MGST1: variants seen among roughly 807,000 people sequenced by gnomAD.
The protein encoded by MGST1 is microsomal glutathione S-transferase 1, also known as glutathione S-transferase 12.
Under a neutral mutation model 8.9 loss-of-function variants are expected in MGST1, and 5 were observed. That is an observed-to-expected ratio of 0.56 (90% CI 0.29 to 1.19). The LOEUF (loss-of-function observed/expected upper bound fraction) is 1.19. Among genes scored for constraint, MGST1 ranks in the 50% most tolerant of loss-of-function variants. The probability of loss-of-function intolerance (pLI) is 0.08; values close to 1 mark genes in which losing one functional copy is unlikely to be tolerated. For missense variants in MGST1, 182 were observed against 187.4 expected, an observed-to-expected ratio of 0.97 and a Z score of 0.17; for synonymous variants, 54 against 67.8, an observed-to-expected ratio of 0.80 and a Z score of 1.00.
downstream of MGST1, among the ~76,000 whole-genome samples, chr12:16,379,245 T>G (rs145471757): frequency 6.2e-3 from 948 of 152,300 alleles, 4 homozygotes; most frequent in Non-Finnish European, 9.5e-3. Context: ...AGGGAATGCT[T>G]CCAGTTTTTG....
rs61709109 is a variant in MGST1 at position 16,382,952 on chromosome 12, G to T, written n.126G>T. On this transcript the variant is annotated non_coding_transcript_exon_variant, in exon 1 of 2. Transcript: ENST00000359720. Reference sequence around the variant, plus strand: ...GCATGGGACCCTCCGAGCCAGGTGCGAGATATAATCTCCTGGTGTGCCTTG... The same window carrying T: ...GCATGGGACCCTCCGAGCCAGGTGCTAGATATAATCTCCTGGTGTGCCTTG... 15 of 152,558 alleles carry T rather than the reference G, an allele frequency of 9.8e-5. 1 individual carries two copies. The highest frequency in any genetic ancestry group is 8.8e-5 in the Non-Finnish European group (6 of 68,360). The allele number at this position is 152,558 out of a possible 1,614,324, so 9.5% of individuals were successfully genotyped here. A position where few individuals can be genotyped will look rare whatever the true frequency, so the allele number is the denominator to read the frequency against.
chr12:16,462,884 G>C (rs1021805277), intron 4 of MGST1, among the ~76,000 whole-genome samples: 1 of 152,160 alleles, frequency 6.6e-6, no homozygotes, highest in East Asian at 1.9e-4. Context: ...AGTGTGATGA[G>C]ATTTTATTCC....
chr12:16,354,929 CTT>C (rs10679908), intron 2 of MGST1, among the ~76,000 whole-genome samples: 5 of 146,708 alleles, frequency 3.4e-5, no homozygotes, highest in Admixed American at 6.8e-5. Flanking sequence ...ATAAGAATGA[CTT>C]TTTTTTTTTT....
chr12:16,524,422 C>G (rs906740477), intron 4 of MGST1, among the ~76,000 whole-genome samples: 1 of 151,968 alleles, frequency 6.6e-6, no homozygotes, highest in Non-Finnish European at 1.5e-5. Context: ...TTCTTGAGAT[C>G]TGAATGAACT....
At chr12:16,364,595 C>T (rs895718429), downstream of MGST1, among the ~76,000 whole-genome samples, 8 of 152,076 alleles carry the variant, frequency 5.3e-5, no homozygotes, top group Non-Finnish European at 1.0e-4. This position sits in a 1 kb window ranked among gnomAD's most constrained non-coding sequence, Gnocchi z 5.7. Context: ...GAGTAAGTGG[C>T]AGATATCATG....
At chr12:16,358,229 G>T (rs1333174174) in intron 3 of MGST1, among the ~76,000 whole-genome samples, 2 of 152,086 alleles carry the variant, frequency 1.3e-5, no homozygotes, top group African/African-American at 2.4e-5. Flanking sequence ...GGGTATGATT[G>T]TTCCTATCAC....
chr12:16,489,142 T>C (rs1198099698), intron 4 of MGST1, among the ~76,000 whole-genome samples: 20 of 151,928 alleles, frequency 1.3e-4, no homozygotes, highest in Admixed American at 1.3e-3. Context: ...AAAAAATAAA[T>C]AGGTAAATAC....
At chr12:16,379,985 G>A (rs1344185944), downstream of MGST1, among the ~76,000 whole-genome samples, 3 of 152,110 alleles carry the variant, frequency 2.0e-5, no homozygotes, top group Non-Finnish European at 4.4e-5. Flanking sequence ...TGTGGGATCG[G>A]TGGTGATATC....
chr12:16,554,806 G>C (rs146023909), intron 4 of MGST1, among the ~76,000 whole-genome samples: 1 of 152,062 alleles, frequency 6.6e-6, no homozygotes, highest in African/African-American at 2.4e-5. Flanking sequence ...ACAGGCGCCC[G>C]CCACCTCGAC....
chr12:16,431,371 T>C (rs1477555007), intron 1 of MGST1, among the ~76,000 whole-genome samples: 1 of 152,208 alleles, frequency 6.6e-6, no homozygotes, highest in African/African-American at 2.4e-5. Context: ...AGGCCTAGGT[T>C]TGGCCTATCT....
At chr12:16,527,891 C>T (rs951442016) in intron 4 of MGST1, among the ~76,000 whole-genome samples, 18 of 151,932 alleles carry the variant, frequency 1.2e-4, no homozygotes, top group African/African-American at 1.7e-4. Flanking sequence ...TTTCTAAGCA[C>T]TGTACAAGGT....
In MGST1 at chr12:16,484,497, T is replaced by A. The variant is rs1232008412; in HGVS notation, n.482+100893T>A. Among the ~76,000 whole-genome samples the A allele has an allele frequency of 2.6e-5, 4 of 152,278 alleles. No individual in the cohort carries two copies. The East Asian group carries it at 7.7e-4, about 29-fold the overall frequency. Reference sequence around the variant, plus strand: ...TACCTGAAACTGGGTAGATGGGTAATTTATAAAGAAAACGGGTTTAACTGG... The same window carrying A: ...TACCTGAAACTGGGTAGATGGGTAAATTATAAAGAAAACGGGTTTAACTGG... On this transcript the variant is annotated intron_variant and non_coding_transcript_variant, in intron 4 of 4. Coordinates refer to the MGST1 transcript ENST00000538857.
chr12:16,474,556 G>A (rs934569483), intron 4 of MGST1, among the ~76,000 whole-genome samples: 2 of 152,142 alleles, frequency 1.3e-5, no homozygotes, highest in African/African-American at 4.8e-5. Flanking sequence ...CATTGTCTTA[G>A]GCCAGGTGGC....
At chr12:16,409,013 G>C (rs1450131879) in intron 1 of MGST1, among the ~76,000 whole-genome samples, 1 of 151,852 alleles carries the variant, frequency 6.6e-6, no homozygotes, top group Non-Finnish European at 1.5e-5. Flanking sequence ...TCTATTTTCT[G>C]AACAAAATTT....
intron 4 of MGST1, among the ~76,000 whole-genome samples, chr12:16,476,967 A>G (rs1448415346): frequency 6.6e-6 from 1 of 152,190 alleles, no homozygotes; most frequent in African/African-American, 2.4e-5. Flanking sequence ...GTCTTAATCT[A>G]TCATCTTTTA....
At chr12:16,358,779 CTTTTTTTTT>C (rs35081887) in intron 3 of MGST1, among the ~76,000 whole-genome samples, 4 of 57,582 alleles carry the variant, frequency 6.9e-5, no homozygotes, top group Middle Eastern at 0.024. Flanking sequence ...AAATTCATTC[CTTTTTTTTT>C]TTTTTTTTTT....
chr12:16,428,688 G>T (rs545391105), intron 1 of MGST1, among the ~76,000 whole-genome samples: 1 of 151,940 alleles, frequency 6.6e-6, no homozygotes, highest in East Asian at 1.9e-4. Context: ...TATTGGTTTT[G>T]TTGTATAAAA....
chr12:16,556,277 A>T (rs1183988986), intron 4 of MGST1, among the ~76,000 whole-genome samples: 1 of 152,200 alleles, frequency 6.6e-6, no homozygotes, highest in African/African-American at 2.4e-5. Flanking sequence ...AGAATCTTCC[A>T]ATTCTGAATG....
intron 3 of MGST1, chr12:16,370,319 A>C (rs554561846): frequency 2.0e-5 from 3 of 152,134 alleles, no homozygotes. Flanking sequence ...TATCGCCTCT[A>C]TAACTAAGTT....
Sources: gnomAD v4.1 joint callset for allele counts (sites outside exome capture counted in the v4.1 genomes callset) on GRCh38, gnomAD v4.1.1 for gene constraint, Gnocchi (gnomAD v3.1) non-coding constraint, MANE v1.5 for transcripts, NCBI Gene and HGNC (gene_info 2026-07-23, HGNC 2026-07-21) for gene names.